Variants in RPS6KC1 observed in about 807,000 individuals in gnomAD.
RPS6KC1 encodes inactive ribosomal protein S6 kinase delta-1.
A neutral mutation model predicts 103.8 loss-of-function variants in RPS6KC1; 54 were observed. The ratio of observed to expected loss-of-function variants is 0.52; its 90% confidence interval spans 0.42 to 0.65. The LOEUF (loss-of-function observed/expected upper bound fraction) is 0.65, where lower values mean the gene tolerates loss of function less well. Among genes scored for constraint, RPS6KC1 ranks in the 30% least tolerant of loss-of-function variants. The pLI is 0.00. For synonymous variants in RPS6KC1, 439 were observed against 438.7 expected, an observed-to-expected ratio of 1.00 and a Z score of -0.01; for missense variants, 1,151 against 1,253.8, an observed-to-expected ratio of 0.92 and a Z score of 1.24.
the RPS6KC1 span, among the ~76,000 whole-genome samples, chr1:213,313,884 C>T: frequency 6.6e-6 from 1 of 152,028 alleles, no homozygotes; most frequent in Admixed American, 6.6e-5. Context: ...ACCTGGGAGG[C>T]GGAGCTTGCA....
chr1:213,325,867 C>A, the RPS6KC1 span, among the ~76,000 whole-genome samples: 5 of 152,198 alleles, frequency 3.3e-5, no homozygotes, highest in African/African-American at 1.2e-4. Flanking sequence ...TTCACAGGAT[C>A]ATGTTATCTT....
the RPS6KC1 span, among the ~76,000 whole-genome samples, chr1:213,786,655 A>G: frequency 6.6e-6 from 1 of 152,202 alleles, no homozygotes; most frequent in Admixed American, 6.5e-5. Flanking sequence ...ATCTTTGTCA[A>G]CTGTATATTT....
At chr1:213,207,514 C>G in intron 8 of RPS6KC1, among the ~76,000 whole-genome samples, 1 of 152,170 alleles carries the variant, frequency 6.6e-6, no homozygotes, top group East Asian at 1.9e-4. Flanking sequence ...CCTTCCACAA[C>G]CTGTAAGCTA....
the RPS6KC1 span, among the ~76,000 whole-genome samples, chr1:213,691,469 T>C: frequency 6.6e-6 from 1 of 152,090 alleles, no homozygotes; most frequent in Admixed American, 6.5e-5. Flanking sequence ...ACAGATTTTA[T>C]AAATATTTCA....
the RPS6KC1 span, among the ~76,000 whole-genome samples, chr1:213,514,163 A>G: frequency 6.6e-6 from 1 of 152,204 alleles, no homozygotes; most frequent in Non-Finnish European, 1.5e-5. Context: ...CAGCATTCTT[A>G]CACCTAATTC....
intron 3 of RPS6KC1, among the ~76,000 whole-genome samples, chr1:213,100,031 G>A (rs2081873387): frequency 3.3e-5 from 5 of 152,106 alleles, no homozygotes; most frequent in Admixed American, 2.6e-4. Flanking sequence ...ATTTTATAAG[G>A]AACTAAGAGA....
chr1:213,252,012 C>T (rs569181091), intron 12 of RPS6KC1, among the ~76,000 whole-genome samples: 1 of 152,310 alleles, frequency 6.6e-6, no homozygotes, highest in East Asian at 1.9e-4. Context: ...TCTGAGCAAA[C>T]AAAAGACATG....
the RPS6KC1 span, among the ~76,000 whole-genome samples, chr1:213,366,127 C>T: frequency 3.9e-5 from 6 of 152,218 alleles, no homozygotes; most frequent in Admixed American, 3.9e-4. Context: ...TTGTCCATCT[C>T]GCATTAAGAG....
At chr1:213,368,642 A>C in the RPS6KC1 span, among the ~76,000 whole-genome samples, 1 of 152,198 alleles carries the variant, frequency 6.6e-6, no homozygotes, top group East Asian at 1.9e-4. Flanking sequence ...AGCAAACCGT[A>C]AGTTGACTGA....
the RPS6KC1 span, among the ~76,000 whole-genome samples, chr1:213,584,583 A>C: frequency 6.6e-6 from 1 of 152,238 alleles, no homozygotes; most frequent in Non-Finnish European, 1.5e-5. Context: ...TGACTTTGAA[A>C]TGCATGTTTA....
At chr1:213,520,705 T>A in the RPS6KC1 span, among the ~76,000 whole-genome samples, 29 of 152,150 alleles carry the variant, frequency 1.9e-4, no homozygotes, top group African/African-American at 5.8e-4. Flanking sequence ...GGACAGGTAG[T>A]TGGTGAGGGC....
At chr1:213,561,068 G>A in the RPS6KC1 span, among the ~76,000 whole-genome samples, 3 of 152,178 alleles carry the variant, frequency 2.0e-5, no homozygotes, top group Admixed American at 6.5e-5. Flanking sequence ...ATGAAAGAGA[G>A]GTTAGTTGAT....
the RPS6KC1 span, among the ~76,000 whole-genome samples, chr1:213,699,055 G>GT: frequency 6.6e-6 from 1 of 152,146 alleles, no homozygotes; most frequent in East Asian, 1.9e-4. Flanking sequence ...ATTACAAACA[G>GT]TCCAATTATA....
chr1:213,723,774 G>A, the RPS6KC1 span, among the ~76,000 whole-genome samples: 1 of 152,198 alleles, frequency 6.6e-6, no homozygotes, highest in Non-Finnish European at 1.5e-5. Flanking sequence ...CTGCTCAGAT[G>A]CTGGGGATAC....
chr1:213,173,417 G>C (rs17742767), intron 7 of RPS6KC1, among the ~76,000 whole-genome samples: 6,913 of 152,186 alleles, frequency 0.045, 241 homozygotes, highest in South Asian at 0.076. Context: ...ATTTCTCATA[G>C]AAAGACTTGT....
intron 8 of RPS6KC1, among the ~76,000 whole-genome samples, chr1:213,218,789 A>T (rs974631335): frequency 6.6e-6 from 1 of 152,222 alleles, no homozygotes; most frequent in African/African-American, 2.4e-5. Flanking sequence ...CCTATTTAAT[A>T]AATGGTGCTG....
At chr1:213,272,162 TA>T (rs1159109872) in intron 14 of RPS6KC1, among the ~76,000 whole-genome samples, 35 of 152,350 alleles carry the variant, frequency 2.3e-4, no homozygotes, top group African/African-American at 8.4e-4. Context: ...ATGAAGGAAG[TA>T]ACTGGCTATC....
the RPS6KC1 span, among the ~76,000 whole-genome samples, chr1:213,350,629 G>T: frequency 6.6e-6 from 1 of 152,164 alleles, no homozygotes; most frequent in African/African-American, 2.4e-5. Context: ...ATTAATTAAA[G>T]AGTTGGAATG....
chr1:213,226,667 A>G (rs1226440124), intron 8 of RPS6KC1, among the ~76,000 whole-genome samples: 2 of 152,268 alleles, frequency 1.3e-5, no homozygotes, highest in Middle Eastern at 3.4e-3. Flanking sequence ...TGTACAGTGA[A>G]CTGTACAATG....
Sources: allele counts gnomAD v4.1 joint callset (sites outside exome capture counted in the v4.1 genomes callset), GRCh38; gene constraint gnomAD v4.1.1; transcripts MANE v1.5; gene names NCBI Gene and HGNC (gene_info 2026-07-23, HGNC 2026-07-21).